Variants in MOV10L1 observed in about 807,000 individuals in gnomAD.
MOV10L1 encodes the protein Mov10 like RNA helicase 1, also known as RNA helicase Mov10l1.
A neutral mutation model predicts 143.8 loss-of-function variants in MOV10L1; 110 were observed. That is an observed-to-expected ratio of 0.76 (90% CI 0.66 to 0.90). The LOEUF (loss-of-function observed/expected upper bound fraction) is 0.90, where lower values mean the gene tolerates loss of function less well. Among genes scored for constraint, MOV10L1 ranks in the 40% least tolerant of loss-of-function variants. The pLI, the probability that MOV10L1 is intolerant of heterozygous loss-of-function variation, is 0.00. For missense variants in MOV10L1, 1,406 were observed against 1,526.8 expected (o/e 0.92, Z 1.32); for synonymous variants, 593 against 581.1 (o/e 1.02, Z -0.29).
intron 2 of MOV10L1, chr22:50,094,928 T>G (rs2062550645): frequency 1.3e-5 from 2 of 152,308 alleles, no homozygotes; most frequent in Admixed American, 1.3e-4. Flanking sequence ...TTATTAAAAC[T>G]AAATGCAACT....
At chr22:50,097,983 G>A (rs1305186038) in intron 2 of MOV10L1, among the ~76,000 whole-genome samples, 2 of 151,954 alleles carry the variant, frequency 1.3e-5, no homozygotes, top group East Asian at 3.9e-4. Flanking sequence ...GCAGGTGCTT[G>A]CCACTACACC....
intron 19 of MOV10L1, 126 bp downstream of exon 19, chr22:50,145,936 G>A (rs1450209401): frequency 1.4e-6 from 2 of 1,414,798 alleles, no homozygotes; most frequent in East Asian, 4.6e-5. Flanking sequence ...CAGGGCTGTG[G>A]GCGAGAAAGG....
intron 18 of MOV10L1, among the ~76,000 whole-genome samples, chr22:50,144,805 T>A (rs902832747): frequency 4.6e-5 from 7 of 152,072 alleles, no homozygotes; most frequent in Non-Finnish European, 8.8e-5. Flanking sequence ...ATGGTCTCGA[T>A]CTCCTGACCT....
At chr22:50,114,771 C>G (rs1455395729) in intron 7 of MOV10L1, 149 bp downstream of exon 7, 6 of 1,226,394 alleles carry the variant, frequency 4.9e-6, no homozygotes, top group Non-Finnish European at 5.6e-6. Context: ...TCAGGCCCTT[C>G]TCTTGCTGAC....
intron 13 of MOV10L1, 34 bp from the exon 14 acceptor site, chr22:50,133,973 G>A (rs1183344965): frequency 6.3e-7 from 1 of 1,583,840 alleles, no homozygotes; most frequent in Admixed American, 1.8e-5. Flanking sequence ...CTGAATGTAA[G>A]GTTAGTTATT....
At chr22:50,129,042 C>A (rs927948802) in intron 13 of MOV10L1, among the ~76,000 whole-genome samples, 4 of 152,118 alleles carry the variant, frequency 2.6e-5, no homozygotes, top group African/African-American at 7.2e-5. Context: ...GACGTAGGAG[C>A]CCCCACCATG....
chr22:50,124,338 G>T (rs1456999822), intron 10 of MOV10L1, among the ~76,000 whole-genome samples: 1 of 152,144 alleles, frequency 6.6e-6, no homozygotes, highest in Non-Finnish European at 1.5e-5. Flanking sequence ...TTCTTATGGG[G>T]TTCTTTTGCT....
At chr22:50,160,206 C>T (rs2063519708) in intron 24 of MOV10L1, among the ~76,000 whole-genome samples, 1 of 146,372 alleles carries the variant, frequency 6.8e-6, no homozygotes, top group Non-Finnish European at 1.5e-5. Flanking sequence ...TGCCCTTCCT[C>T]CTCCCCCTTC....
At chr22:50,090,391 C>G in intron 1 of MOV10L1, 1 of 1,557,820 alleles carries the variant, frequency 6.4e-7, no homozygotes, top group Non-Finnish European at 8.7e-7. Flanking sequence ...CGCCCGTCCT[C>G]TGTGAGGTCT....
intron 2 of MOV10L1, chr22:50,094,951 C>T (rs921214009): frequency 2.0e-5 from 3 of 152,256 alleles, no homozygotes; most frequent in East Asian, 1.9e-4. Context: ...CAGCCAGGCG[C>T]GGTGGCATAA....
rs1050549071 is a variant in MOV10L1, at chr22:50,106,771, G to A, written c.443-1365G>A. Among the ~76,000 whole-genome samples the A allele has an allele frequency of 6.3e-5, 9 of 142,130 alleles. No individual in the cohort carries two copies. In the East Asian group the frequency reaches 1.5e-3, roughly 24 times the overall value. The allele number at this position is 142,130 out of a possible 152,430, so 93.2% of individuals were successfully genotyped here. On this transcript the variant is annotated intron_variant, in intron 3 of 26. Coordinates refer to ENST00000262794, the MANE Select transcript of MOV10L1 (RefSeq NM_018995.3). ...GGCTGGAGTGCAGTGGCTCAATCTC[G>A]GCTCACTGTAAGCTCTGCCTCCCGG... is the stretch of plus-strand genomic sequence containing the variant.
At chr22:50,147,078 C>A in intron 19 of MOV10L1, 1 of 1,559,480 alleles carries the variant, frequency 6.4e-7, no homozygotes, top group Non-Finnish European at 8.7e-7. Flanking sequence ...CCAGTCCTCA[C>A]TGGGGTGCAG....
chr22:50,149,746 T>G (rs770097802), intron 20 of MOV10L1, 32 bp downstream of exon 20: 12 of 1,578,736 alleles, frequency 7.6e-6, no homozygotes, highest in Non-Finnish European at 1.0e-5. Flanking sequence ...TGCTGCTTCC[T>G]CCTCACCCCG....
At chr22:50,100,929 C>A (rs183305653) in intron 3 of MOV10L1, among the ~76,000 whole-genome samples, 1 of 152,342 alleles carries the variant, frequency 6.6e-6, no homozygotes, top group African/African-American at 2.4e-5. Flanking sequence ...TCTACTCCTG[C>A]TGCCTATGGT....
At chr22:50,114,283 A>T (rs1364796991) in intron 6 of MOV10L1, 98 bp from the exon 7 acceptor site, 1 of 1,383,830 alleles carries the variant, frequency 7.2e-7, no homozygotes, top group Non-Finnish European at 9.9e-7. Flanking sequence ...GTGTATTTGC[A>T]GTCACCACTT....
rs1418734378 is a variant in MOV10L1 at position 50,125,577 on chromosome 22, T to C, written c.1747+8T>C. 2 of 1,613,072 alleles carry C rather than the reference T, an allele frequency of 1.2e-6. No homozygotes were observed. Among genetic ancestry groups the C allele is most frequent in the African/African-American group, 2.7e-5 (2 of 74,894 alleles). On this transcript the variant is annotated splice_region_variant and intron_variant, in intron 11 of 26. Transcript: ENST00000262794. ...GGCCTTCTCTCTACGCAGGTGTGTT[T>C]GTTACTCATATGCTTCCCTGGGTGG... is the stretch of plus-strand genomic sequence containing the variant.
rs547101030 is a variant in MOV10L1 at position 50,150,614 on chromosome 22, C to T, written c.2728-121C>T. The T allele has an allele frequency of 7.8e-5, 88 of 1,125,016 alleles. 1 individual carries two copies. In the Middle Eastern group the frequency reaches 9.0e-4, roughly 11 times the overall value. The allele number at this position is 1,125,016 out of a possible 1,614,324, so 69.7% of individuals were successfully genotyped here. A position where few individuals can be genotyped will look rare whatever the true frequency, so the allele number is the denominator to read the frequency against. The stretch of plus-strand genomic sequence containing the variant: ...TCCCTGGTCTCCCAGTCCCTCCCGT[C>T]GTCCCCTGCAGCAAGAGTGAGCATG... On this transcript the variant is annotated intron_variant, in intron 20 of 26. Transcript: ENST00000262794.
At chr22:50,111,479 G>C (rs1224911177) in intron 5 of MOV10L1, among the ~76,000 whole-genome samples, 2 of 120,120 alleles carry the variant, frequency 1.7e-5, no homozygotes, top group African/African-American at 6.4e-5. Flanking sequence ...TCCCGACTCT[G>C]TCTTTGCTTT....
intron 2 of MOV10L1, chr22:50,093,606 T>G (rs1602104716): frequency 6.6e-6 from 1 of 152,160 alleles, no homozygotes; most frequent in Non-Finnish European, 1.5e-5. Flanking sequence ...ACTCCTGAGC[T>G]CAAGCGATTC....
Sources: allele counts gnomAD v4.1 joint callset (sites outside exome capture counted in the v4.1 genomes callset), GRCh38; gene constraint gnomAD v4.1.1; transcripts MANE v1.5; gene names NCBI Gene and HGNC (gene_info 2026-07-23, HGNC 2026-07-21).